STX7: variants seen among roughly 807,000 people sequenced by gnomAD.
The protein encoded by STX7 is syntaxin-7.
A neutral mutation model predicts 39.6 loss-of-function variants in STX7; 34 were observed. The ratio of observed to expected loss-of-function variants is 0.86; its 90% CI spans 0.65 to 1.14. The LOEUF (loss-of-function observed/expected upper bound fraction) is 1.14, where lower values mean the gene tolerates loss of function less well. Among genes scored for constraint, STX7 ranks in the 50% most tolerant of loss-of-function variants. The pLI, the probability that STX7 is intolerant of heterozygous loss-of-function variation, is 0.00. For missense variants in STX7, 284 were observed against 310.4 expected (o/e 0.92, Z 0.64); for synonymous variants, 119 against 99.1 (o/e 1.20, Z -1.19).
At chr6:132,478,325 T>C (rs1315060089) in intron 2 of STX7, among the ~76,000 whole-genome samples, 2 of 152,186 alleles carry the variant, frequency 1.3e-5, no homozygotes, top group African/African-American at 4.8e-5. Context: ...TATATAAAAT[T>C]ACTCAGCCAA....
chr6:132,461,998 T>G, intron 9 of STX7: 1 of 816,466 alleles, frequency 1.2e-6, no homozygotes, highest in Non-Finnish European at 1.9e-6. Flanking sequence ...TTCATCTAAT[T>G]TTTCCAGTGA....
intron 1 of STX7, among the ~76,000 whole-genome samples, chr6:132,506,091 A>G (rs1313655490): frequency 1.6e-4 from 24 of 150,706 alleles, no homozygotes; most frequent in Admixed American, 1.5e-3. Flanking sequence ...AAAAAAAAAA[A>G]TCGACTCAAG....
intron 9 of STX7, chr6:132,461,797 T>C (rs1198725410): frequency 6.6e-7 from 1 of 1,508,060 alleles, no homozygotes; most frequent in Non-Finnish European, 8.9e-7. Flanking sequence ...TCTTCATTCC[T>C]GGTTCAGTTG....
rs747083359 is a variant in STX7, at chr6:132,475,647, C to A, written c.101G>T (p.Arg34Ile). Residue 34 changes from arginine (R) to isoleucine (I), a missense_variant, in exon 3 of 10, where the codon AGA becomes ATA. Arg to Ile is a moderately conservative substitution (Grantham distance 97). Transcript: ENST00000367941. ...AGGTGTTCCAAGTTGATTCAGAGTT[C>A]TTTGTATTTCCACAGCTATTATAAT... ...KITQCSVEIQ[R>I]TLNQLGTPQD... 6.2e-7 allele frequency: 1 copy of A among 1,607,304 alleles called. No individual in the cohort carries two copies.
intron 2 of STX7, among the ~76,000 whole-genome samples, chr6:132,481,292 T>C (rs1483075071): frequency 2.0e-5 from 3 of 152,154 alleles, no homozygotes; most frequent in East Asian, 3.8e-4. Context: ...GGTTATAATA[T>C]GACCACTGAG....
At position 132,454,865 on chromosome 6, in the gene STX7, A is replaced by C. The variant is rs972594953; in HGVS notation, c.*5893T>G. On this transcript the variant is annotated 3_prime_UTR_variant, in exon 10 of 10. Transcript: ENST00000367941. The stretch of plus-strand genomic sequence containing the variant: ...TAACTAAGGTTATCTTACTATTAGC[A>C]AATTTTGGTATATACCCACTGCAAA... The C allele has an allele frequency of 6.6e-6, 1 of 152,180 alleles. No homozygotes were observed. The highest frequency in any genetic ancestry group is 2.4e-5 in the African/African-American group (1 of 41,450). The allele number at this position is 152,180 out of a possible 1,614,324, so 9.4% of individuals were successfully genotyped here.
rs576637651 is a variant in STX7, at chr6:132,452,091, A to C, written c.*8667T>G. 2.0e-5 allele frequency: 3 copies of C among 152,320 alleles called. No homozygotes were observed. In the South Asian group the frequency reaches 6.2e-4, roughly 32 times the overall value. 9.4% of individuals were successfully genotyped at this position (152,320 alleles called of 1,614,324 possible). ...TGTAACAATGGCTCAACATTCAAAA[A>C]TCAATCAATGTATCTACCACATGAA... On this transcript the variant is annotated 3_prime_UTR_variant, in exon 10 of 10. Coordinates refer to ENST00000367941, the MANE Select transcript of STX7 (RefSeq NM_003569.3).
chr6:132,511,349 C>G (rs1775842965), intron 1 of STX7, among the ~76,000 whole-genome samples: 1 of 152,202 alleles, frequency 6.6e-6, no homozygotes, highest in Non-Finnish European at 1.5e-5. Flanking sequence ...GTGACTGGCT[C>G]CTTCTCCCCA....
chr6:132,501,672 T>C (rs1310511588), intron 2 of STX7, among the ~76,000 whole-genome samples: 1 of 152,100 alleles, frequency 6.6e-6, no homozygotes, highest in African/African-American at 2.4e-5. Flanking sequence ...TTCCTCATCC[T>C]CAATTCCTAA....
At position 132,446,530 on chromosome 6, in the gene STX7, G is replaced by A. The variant is rs936743764; in HGVS notation, c.*14228C>T. 6.6e-6 allele frequency: 1 copy of A among 152,038 alleles called. No homozygotes were observed. The highest frequency in any genetic ancestry group is 1.5e-5 in the Non-Finnish European group (1 of 68,012). The allele number at this position is 152,038 out of a possible 1,614,324, so 9.4% of individuals were successfully genotyped here. On this transcript the variant is annotated 3_prime_UTR_variant, in exon 10 of 10. Transcript: ENST00000367941. ...TGTGGAAGCTATCAACTATCGCATT[G>A]TCCCCAATGTCAGAATGTGCTGAAT...
chr6:132,468,635 T>C (rs936010174), intron 7 of STX7, among the ~76,000 whole-genome samples, 160 bp from the exon 8 acceptor site: 7 of 152,138 alleles, frequency 4.6e-5, no homozygotes, highest in African/African-American at 1.7e-4. Flanking sequence ...AGGAAAATAT[T>C]TGACAATAAT....
At chr6:132,471,389 T>A (rs2114377978) in intron 5 of STX7, 74 bp downstream of exon 5, 1 of 1,459,268 alleles carries the variant, frequency 6.9e-7, no homozygotes, top group Middle Eastern at 2.4e-4. Flanking sequence ...TAAAAAATTA[T>A]GCTACTATAG....
chr6:132,486,749 C>T (rs1276513370), intron 2 of STX7, among the ~76,000 whole-genome samples: 1 of 148,946 alleles, frequency 6.7e-6, no homozygotes, highest in African/African-American at 2.5e-5. Context: ...TTACTGGAAC[C>T]TCCTGCTGCC....
intron 1 of STX7, among the ~76,000 whole-genome samples, chr6:132,505,442 C>T (rs1775673807): frequency 6.6e-6 from 1 of 152,182 alleles, no homozygotes. Context: ...GCTGAAAGTC[C>T]TGGTGGCTTT....
intron 2 of STX7, among the ~76,000 whole-genome samples, chr6:132,478,183 A>C (rs1289425254): frequency 6.6e-6 from 1 of 152,092 alleles, no homozygotes; most frequent in Non-Finnish European, 1.5e-5. Flanking sequence ...CCAGAACTTA[A>C]AGTATAATAA....
intron 2 of STX7, among the ~76,000 whole-genome samples, chr6:132,502,813 G>GGTGT (rs1337701443): frequency 1.3e-5 from 2 of 152,034 alleles, no homozygotes; most frequent in Non-Finnish European, 2.9e-5. Flanking sequence ...GCAGGAGAAT[G>GGTGT]GTGTGAACCT....
At chr6:132,475,800 GA>G in intron 2 of STX7, 138 bp from the exon 3 acceptor site, 1 of 410,368 alleles carries the variant, frequency 2.4e-6, no homozygotes, top group Non-Finnish European at 4.1e-6. Context: ...ATATTAACTG[GA>G]AAAAAGAATA....
chr6:132,477,509 T>C (rs1427015846), intron 2 of STX7, among the ~76,000 whole-genome samples: 1 of 152,102 alleles, frequency 6.6e-6, no homozygotes, highest in African/African-American at 2.4e-5. Flanking sequence ...CCTCCCAGCA[T>C]ATAGCAAAAT....
intron 2 of STX7, among the ~76,000 whole-genome samples, chr6:132,502,074 T>TA (rs945128836): frequency 6.6e-6 from 1 of 152,086 alleles, no homozygotes; most frequent in Non-Finnish European, 1.5e-5. Flanking sequence ...CAGAAATAGG[T>TA]AAAAAACCCA....
Sources: gnomAD v4.1 joint callset for allele counts (sites outside exome capture counted in the v4.1 genomes callset) on GRCh38, gnomAD v4.1.1 for gene constraint, MANE v1.5 for transcripts, NCBI Gene and HGNC (gene_info 2026-07-23, HGNC 2026-07-21) for gene names.